PHLPP2: variants seen among roughly 807,000 people sequenced by gnomAD.
PHLPP2 encodes the protein PH domain leucine-rich repeat-containing protein phosphatase 2.
Under a neutral mutation model 124.9 loss-of-function variants are expected in PHLPP2, and 66 were observed. The observed-to-expected ratio is 0.53, with a 90% CI of 0.43 to 0.65. PHLPP2 has a LOEUF of 0.65. Ranked by LOEUF, PHLPP2 falls within the 30% of genes least tolerant of loss-of-function variation. PHLPP2 has a pLI of 0.00. For missense variants in PHLPP2, 1,685 were observed against 1,600.4 expected (o/e 1.05, Z -0.90); for synonymous variants, 681 against 624.7 (o/e 1.09, Z -1.34).
rs748921698 is a variant in PHLPP2 at position 71,649,548 on chromosome 16, C to T, written c.3314G>A (p.Gly1105Asp). ...CCTCGGAAGCAAGGCAGTGTCCAGGCCCCCAGCATTATGCTCATCAGAAGC... is the reference window on the plus strand; with the variant it reads ...CCTCGGAAGCAAGGCAGTGTCCAGGTCCCCAGCATTATGCTCATCAGAAGC... Reference protein sequence around the residue: ...STASDEHNAGGLDTALLPRPE... With the variant: ...STASDEHNAGDLDTALLPRPE... Residue 1105 changes from glycine to aspartate, a missense_variant, in exon 19 of 19, where the codon GGC becomes GAC. Gly to Asp is a moderately conservative substitution (Grantham distance 94). Coordinates refer to ENST00000568954, the MANE Select transcript of PHLPP2 (RefSeq NM_015020.3). The T allele has an allele frequency of 3.1e-6, 5 of 1,614,162 alleles. No individual in the cohort carries two copies. The South Asian group carries it at 4.4e-5, about 14-fold the overall frequency.
intron 4 of PHLPP2, 42 bp downstream of exon 4, chr16:71,690,472 TAATTA>T: frequency 7.9e-7 from 1 of 1,271,196 alleles, no homozygotes; most frequent in Non-Finnish European, 1.1e-6. Context: ...GATATTTTCT[TAATTA>T]AGATGATCAA....
rs369165233 is a variant in PHLPP2 at position 71,649,339 on chromosome 16, T to C, written c.3523A>G (p.Arg1175Gly). 1 of 1,613,680 alleles carries C rather than the reference T, an allele frequency of 6.2e-7. No homozygotes were observed. Among genetic ancestry groups the C allele is most frequent in the Non-Finnish European group, 8.5e-7 (1 of 1,179,632 alleles). Reference protein sequence around the residue: ...VEVEVDIHCCRGRDLENSPPL... With the variant: ...VEVEVDIHCCGGRDLENSPPL... Reference sequence around the variant, plus strand: ...GGTGAGTTCTCCAGATCCCTCCCCCTGCAGCAGTGGATGTCTACTTCCACC... The same window carrying C: ...GGTGAGTTCTCCAGATCCCTCCCCCCGCAGCAGTGGATGTCTACTTCCACC... The change falls in exon 19 of 19, where the codon AGG (arginine) becomes GGG (glycine). Residue 1175 changes from arginine to glycine, a missense_variant. Physicochemically the swap from Arg to Gly is moderately radical, Grantham distance 125. Transcript: ENST00000568954.
chr16:71,655,282 T>A lies in PHLPP2; in HGVS notation c.2543A>T (p.Asn848Ile). ...VLLEEVQQST[N>I]DTVFMANTFL... Reference sequence around the variant, plus strand: ...GGTGTTAGCCATGAAAACTGTGTCATTAGTTGACTGCTGTACCTCTTCTAA... The same window carrying A: ...GGTGTTAGCCATGAAAACTGTGTCAATAGTTGACTGCTGTACCTCTTCTAA... Residue 848 changes from asparagine to isoleucine, a missense_variant, in exon 17 of 19, where the codon AAT becomes ATT. Asn to Ile is a moderately radical substitution (Grantham distance 149). Transcript: ENST00000568954. 2 of 1,614,000 alleles carry A rather than the reference T, an allele frequency of 1.2e-6. No individual in the cohort carries two copies. Among genetic ancestry groups the A allele is most frequent in the Non-Finnish European group, 1.7e-6 (2 of 1,179,878 alleles).
At position 71,653,037 on chromosome 16, in the gene PHLPP2, A is replaced by C. The variant is rs2044708770; in HGVS notation, c.2586-16T>G. On this transcript the variant is annotated splice_polypyrimidine_tract_variant and intron_variant, in intron 17 of 18. Transcript: ENST00000568954. ...TCCTAATTTCCTGTTCAGAAAGAAA[A>C]GGAAAAGAAGACGTGGTGGCTAGTT... 1 of 1,567,946 alleles carries C rather than the reference A, an allele frequency of 6.4e-7. No homozygotes were observed.
chr16:71,656,547 A>T (rs768867406), intron 16 of PHLPP2, 24 bp downstream of exon 16: 4 of 1,403,458 alleles, frequency 2.9e-6, no homozygotes, highest in South Asian at 2.3e-5. Flanking sequence ...TTTCTTTCTC[A>T]GTCTCCATGG....
Position 71,646,895 on chromosome 16 carries a change from A to AT in PHLPP2, c.*1994dup, listed in dbSNP as rs1397439795. ...AGTTCAGATTCTCGAGGGGTTGAACATTAGACATCCATTAGAGTGTACCAA... is the reference window on the plus strand; with the variant it reads ...AGTTCAGATTCTCGAGGGGTTGAACATTTAGACATCCATTAGAGTGTACCAA... On this transcript the variant is annotated 3_prime_UTR_variant, in exon 19 of 19. Transcript: ENST00000568954. The AT allele has an allele frequency of 5.2e-5, 8 of 152,540 alleles. No homozygotes were observed. The highest frequency in any genetic ancestry group is 1.7e-4 in the African/African-American group (7 of 41,560). 9.4% of individuals were successfully genotyped at this position (152,540 alleles called of 1,614,324 possible). A position where few individuals can be genotyped will look rare whatever the true frequency, so the allele number is the denominator to read the frequency against.
chr16:71,646,166 G>T lies in PHLPP2; in HGVS notation c.*2724C>A, dbSNP rs1010705070. 6.6e-6 allele frequency: 1 copy of T among 152,606 alleles called. No individual in the cohort carries two copies. The highest frequency in any genetic ancestry group is 2.4e-5 in the African/African-American group (1 of 41,444). The allele number at this position is 152,606 out of a possible 1,614,324, so 9.5% of individuals were successfully genotyped here. A position where few individuals can be genotyped will look rare whatever the true frequency, so the allele number is the denominator to read the frequency against. On this transcript the variant is annotated 3_prime_UTR_variant, in exon 19 of 19. Transcript: ENST00000568954. ...CTGGAGACAGATACGGGCTTTCACT[G>T]ACAGCCTGTTTAGAAAACACAATGT... is the stretch of plus-strand genomic sequence containing the variant.
At chr16:71,661,504 C>T (rs1022215136) in intron 13 of PHLPP2, among the ~76,000 whole-genome samples, 1 of 152,126 alleles carries the variant, frequency 6.6e-6, no homozygotes, top group African/African-American at 2.4e-5. Flanking sequence ...ATGCCTGGTA[C>T]CATCCAACAG....
At chr16:71,719,713 T>TAA (rs527584261) in intron 1 of PHLPP2, among the ~76,000 whole-genome samples, 37 of 145,246 alleles carry the variant, frequency 2.5e-4, no homozygotes, top group South Asian at 1.5e-3. Context: ...ACTCTGTCTT[T>TAA]AAAAAAAAAA....
chr16:71,655,034 C>T, intron 17 of PHLPP2: 1 of 508,076 alleles, frequency 2.0e-6, no homozygotes, highest in East Asian at 3.0e-5. Flanking sequence ...TTGGATTCAA[C>T]AGAGAAAACA....
chr16:71,676,734 T>C lies in PHLPP2; in HGVS notation c.1269-85A>G, dbSNP rs571788920. ...GAATAAAAATAAAAAATAGGACAGG[T>C]ATGATCCCTTTCTCTGTTTACTTTT... On this transcript the variant is annotated intron_variant, in intron 8 of 18. Coordinates refer to ENST00000568954, the MANE Select transcript of PHLPP2 (RefSeq NM_015020.3). 1.4e-5 allele frequency: 14 copies of C among 976,304 alleles called. No individual in the cohort carries two copies. In the East Asian group the frequency reaches 3.5e-4, roughly 25 times the overall value. 60.5% of individuals were successfully genotyped at this position (976,304 alleles called of 1,614,324 possible).
chr16:71,720,787 C>A (rs1227823697), intron 1 of PHLPP2, among the ~76,000 whole-genome samples: 1 of 151,782 alleles, frequency 6.6e-6, no homozygotes, highest in Non-Finnish European at 1.5e-5. Context: ...TCGCTTGAAC[C>A]CGGGAGGCGG....
chr16:71,667,451 T>C, intron 11 of PHLPP2, 118 bp from the exon 12 acceptor site: 2 of 764,488 alleles, frequency 2.6e-6, no homozygotes, highest in Non-Finnish European at 4.1e-6. Context: ...TCTCCTAGAT[T>C]GTATACTCAC....
At chr16:71,685,176 A>C (rs2045042905) in intron 4 of PHLPP2, among the ~76,000 whole-genome samples, 1 of 152,064 alleles carries the variant, frequency 6.6e-6, no homozygotes, top group Non-Finnish European at 1.5e-5. Flanking sequence ...AAATACAAAA[A>C]ATTAGCCGGG....
chr16:71,709,383 A>G (rs1335505228), intron 2 of PHLPP2, among the ~76,000 whole-genome samples: 1 of 152,236 alleles, frequency 6.6e-6, no homozygotes, highest in Non-Finnish European at 1.5e-5. Flanking sequence ...ATTTTAAAAG[A>G]TAGCTACTGA....
At chr16:71,723,573 G>C (rs867981142) in intron 1 of PHLPP2, 1 of 236,340 alleles carries the variant, frequency 4.2e-6, no homozygotes, top group Non-Finnish European at 8.0e-6. Context: ...GCCTGGACGC[G>C]GGCGCGGCGC....
Position 71,649,249 on chromosome 16 carries a change from T to C in PHLPP2, c.3613A>G (p.Ile1205Val). 6.2e-7 allele frequency: 1 copy of C among 1,613,984 alleles called. No individual in the cohort carries two copies. The highest frequency in any genetic ancestry group is 8.5e-7 in the Non-Finnish European group (1 of 1,179,950). ...EEHARGSCFGIRRQNSVNSGM... is the reference protein window; with the variant it reads ...EEHARGSCFGVRRQNSVNSGM... ...CTATTCACACTGTTCTGTCTTCGGA[T>C]CCCAAAACACGACCCTCTAGCATGT... The change falls in exon 19 of 19, where the codon ATC becomes GTC. Residue 1205 changes from isoleucine to valine, a missense_variant. Coordinates refer to ENST00000568954, the MANE Select transcript of PHLPP2 (RefSeq NM_015020.3).
rs759076851 is a variant in PHLPP2 at position 71,649,424 on chromosome 16, G to A, written c.3438C>T (p.Gly1146=). The A allele has an allele frequency of 1.9e-6, 3 of 1,613,952 alleles. No individual in the cohort carries two copies. Among genetic ancestry groups the A allele is most frequent in the East Asian group, 4.5e-5 (2 of 44,898 alleles). The change falls in exon 19 of 19, where the codon GGC becomes GGT. Residue 1146 remains glycine, a synonymous_variant. Transcript: ENST00000568954. ...CGGGCTGGTCATCATCACTGTCCAG[G>A]CCGTTGTCAGACTGGTTACTGGAGA... ...ATFSSNQSDN[G]LDSDDDQPVE...
chr16:71,714,648 AGGT>A lies in PHLPP2; in HGVS notation c.145_147del (p.Thr49del), dbSNP rs753937652. 7 of 1,613,312 alleles carry A rather than the reference AGGT, an allele frequency of 4.3e-6. No homozygotes were observed. The highest frequency in any genetic ancestry group is 3.3e-5 in the Admixed American group (2 of 59,974). On this transcript the variant is annotated inframe_deletion, in exon 2 of 19. Transcript: ENST00000568954. Reference sequence around the variant, plus strand: ...GAGGAGGAGGAGGAAGAGGAAGAGGAGGTGGTGGTGGTTGTAGTGGCAGTGGTA... The same window carrying A: ...GAGGAGGAGGAGGAAGAGGAAGAGGAGGTGGTGGTTGTAGTGGCAGTGGTA...
Sources: gnomAD v4.1 joint callset for allele counts (sites outside exome capture counted in the v4.1 genomes callset) on GRCh38, gnomAD v4.1.1 for gene constraint, MANE v1.5 for transcripts, NCBI Gene and HGNC (gene_info 2026-07-23, HGNC 2026-07-21) for gene names.